UMODL1: variants seen among roughly 807,000 people sequenced by gnomAD.
UMODL1 encodes uromodulin like 1.
UMODL1 carries 128 observed loss-of-function variants against 136.3 expected under a neutral mutation model. The ratio of observed to expected loss-of-function variants is 0.94; its 90% CI spans 0.81 to 1.09. The LOEUF (loss-of-function observed/expected upper bound fraction) is 1.09, where lower values mean the gene tolerates loss of function less well. Among genes scored for constraint, UMODL1 ranks in the 50% least tolerant of loss-of-function variants. The pLI is 0.00. For missense variants in UMODL1, 1,766 were observed against 1,725.6 expected (o/e 1.02, Z -0.41); for synonymous variants, 721 against 720.0 (o/e 1.00, Z -0.02).
intron 6 of UMODL1, among the ~76,000 whole-genome samples, chr21:42,095,346 T>C (rs1345042258): frequency 6.6e-6 from 1 of 152,130 alleles, no homozygotes; most frequent in Non-Finnish European, 1.5e-5. Flanking sequence ...CCGCCCACTT[T>C]GGCCTCCCAA....
intron 17 of UMODL1, among the ~76,000 whole-genome samples, chr21:42,124,909 T>A (rs577403164): frequency 6.6e-6 from 1 of 152,264 alleles, no homozygotes; most frequent in African/African-American, 2.4e-5. Context: ...GGCATCATCA[T>A]CCACGCTCTG....
rs1411475746 is a variant in UMODL1 at position 42,123,392 on chromosome 21, C to T, written c.3147+242C>T. Among the ~76,000 whole-genome samples, 2 of 152,154 alleles carry T rather than the reference C, an allele frequency of 1.3e-5. No homozygotes were observed. Among genetic ancestry groups the T allele is most frequent in the South Asian group, 4.1e-4 (2 of 4,832 alleles). Reference sequence around the variant, plus strand: ...AGTGCTGGGGCAGGCTTCAGAGTCACGGCTTAAAACTCCTCCCTGCACAGA... The same window carrying T: ...AGTGCTGGGGCAGGCTTCAGAGTCATGGCTTAAAACTCCTCCCTGCACAGA... On this transcript the variant is annotated intron_variant, in intron 17 of 22. Coordinates refer to ENST00000408910, the MANE Select transcript of UMODL1 (RefSeq NM_001004416.3). The surrounding 1 kb of genome is among the most constrained non-coding windows in gnomAD (Gnocchi z 4.4).
At chr21:42,107,132 G>A (rs557353310) in intron 9 of UMODL1, among the ~76,000 whole-genome samples, 2 of 152,212 alleles carry the variant, frequency 1.3e-5, no homozygotes, top group East Asian at 3.9e-4. Flanking sequence ...GCTCCTAACA[G>A]CACGGCCCCT....
chr21:42,111,346 C>G (rs1384433445), intron 11 of UMODL1, 160 bp from the exon 12 acceptor site: 2 of 1,608,884 alleles, frequency 1.2e-6, no homozygotes, highest in Non-Finnish European at 1.7e-6. Flanking sequence ...AGGGGAGCCC[C>G]AGCCAGGAGA....
At chr21:42,119,869 T>A (rs982986876) in intron 15 of UMODL1, among the ~76,000 whole-genome samples, 5 of 152,336 alleles carry the variant, frequency 3.3e-5, no homozygotes, top group African/African-American at 1.2e-4. Context: ...GAAAATACGA[T>A]TTTTAGAGGA....
At chr21:42,071,906 G>A (rs1039362596) in intron 1 of UMODL1, among the ~76,000 whole-genome samples, 3 of 141,122 alleles carry the variant, frequency 2.1e-5, no homozygotes, top group Non-Finnish European at 3.2e-5. Flanking sequence ...AAATTAGCCA[G>A]CCATGGTGGT....
Position 42,115,645 on chromosome 21 carries a change from C to T in UMODL1, c.2363-228C>T, listed in dbSNP as rs144684474. ...AGACAGTTGCAGGGGCGAGCTGGCTCTGTGGCCTCTGGAAGGTTCTCCCAC... is the reference window on the plus strand; with the variant it reads ...AGACAGTTGCAGGGGCGAGCTGGCTTTGTGGCCTCTGGAAGGTTCTCCCAC... On this transcript the variant is annotated intron_variant, in intron 13 of 22. Transcript: ENST00000408910. Among the ~76,000 whole-genome samples the T allele has an allele frequency of 4.9e-3, 752 of 152,300 alleles. 8 individuals are homozygous for T. Among genetic ancestry groups the T allele is most frequent in the African/African-American group, 0.017 (710 of 41,566 alleles).
Position 42,123,018 on chromosome 21 carries a change from C to T in UMODL1, c.3015C>T (p.Arg1005=). 1 of 1,614,128 alleles carries T rather than the reference C, an allele frequency of 6.2e-7. No individual in the cohort carries two copies. The highest frequency in any genetic ancestry group is 1.6e-4 in the Middle Eastern group (1 of 6,062). The change falls in exon 17 of 23, where the codon CGC becomes CGT. Residue 1005 remains arginine, a synonymous_variant. Transcript: ENST00000408910. This position sits in a 1 kb window ranked among gnomAD's most constrained non-coding sequence, Gnocchi z 4.4. ...IEKVVVAIQK[R]FLQQESIPES... ...AGGTGGTTGTCGCCATCCAGAAGCG[C>T]TTCCTGCAGCAGGAATCCATCCCCG...
chr21:42,094,344 A>T (rs1037856023), intron 6 of UMODL1, among the ~76,000 whole-genome samples: 2 of 152,218 alleles, frequency 1.3e-5, no homozygotes, highest in African/African-American at 4.8e-5. Flanking sequence ...GAGATGAGTC[A>T]CGGCTGCCCG....
chr21:42,109,689 G>C lies in UMODL1; in HGVS notation c.1647G>C (p.Arg549=). The part of the protein sequence containing the change: ...TRDATPSRAG[R]ACEGDLVSPM... ...ACGCCACCCCCTCCCGCGCAGGCCG[G>C]GCCTGTGAGGGTACGTGTCGACCCC... Residue 549 remains arginine, a synonymous_variant, in exon 10 of 23, where the codon CGG becomes CGC. Transcript: ENST00000408910. The C allele has an allele frequency of 6.2e-7, 1 of 1,603,042 alleles. No homozygotes were observed. The highest frequency in any genetic ancestry group is 1.1e-5 in the South Asian group (1 of 91,056).
At chr21:42,087,599 G>A (rs1374265304) in intron 4 of UMODL1, among the ~76,000 whole-genome samples, 2 of 152,232 alleles carry the variant, frequency 1.3e-5, no homozygotes, top group African/African-American at 4.8e-5. Context: ...CGTGGCTTTT[G>A]ATCTCTAATT....
rs777919731 is a variant in UMODL1 at position 42,121,215 on chromosome 21, C to T, written c.2818C>T (p.Pro940Ser). The change falls in exon 16 of 23, where the codon CCC (proline) becomes TCC (serine). Residue 940 changes from proline to serine, a missense_variant. Coordinates refer to ENST00000408910, the MANE Select transcript of UMODL1 (RefSeq NM_001004416.3). ...CTTCCCTGTGGAATATTCTGAGAGA[C>T]CCTGTGAAGGTAATGTCGTCAGAGT... ...PDFPVEYSER[P>S]CEGDSPGNET... The T allele has an allele frequency of 1.7e-5, 28 of 1,611,626 alleles. No homozygotes were observed. In the South Asian group the frequency reaches 3.1e-4, roughly 18 times the overall value.
chr21:42,076,472 C>G (rs2066293064), intron 2 of UMODL1, among the ~76,000 whole-genome samples: 1 of 152,188 alleles, frequency 6.6e-6, no homozygotes, highest in African/African-American at 2.4e-5. Flanking sequence ...GCCCTCCTGA[C>G]AAGTTCCTGG....
rs908043106 is a variant in UMODL1, at chr21:42,123,759, G to C, written c.3147+609G>C. Among the ~76,000 whole-genome samples the C allele has an allele frequency of 6.6e-6, 1 of 152,154 alleles. No homozygotes were observed. The highest frequency in any genetic ancestry group is 1.5e-5 in the Non-Finnish European group (1 of 68,030). The stretch of plus-strand genomic sequence containing the variant: ...ATGTGTGCATGTGTGCGTGAGTTGA[G>C]CATGTGTGGATGCGTTTGTCCATGT... On this transcript the variant is annotated intron_variant, in intron 17 of 22. Transcript: ENST00000408910. This position sits in a 1 kb window ranked among gnomAD's most constrained non-coding sequence, Gnocchi z 4.4.
Position 42,076,054 on chromosome 21 carries a change from C to G in UMODL1, c.126C>G (p.Thr42=). 6.2e-7 allele frequency: 1 copy of G among 1,614,242 alleles called. No individual in the cohort carries two copies. The highest frequency in any genetic ancestry group is 8.5e-7 in the Non-Finnish European group (1 of 1,180,040). ...LGYQLCSHRV[T]HTVQKVEAVQ... ...ACCAGCTATGCAGCCACCGTGTGAC[C>G]CACACTGTACAGAAGGTGGAGGCCG... The change falls in exon 2 of 23, where the codon ACC becomes ACG. Residue 42 remains threonine (T), a synonymous_variant. Transcript: ENST00000408910.
At position 42,123,168 on chromosome 21, in the gene UMODL1, A is replaced by G; in HGVS notation, c.3147+18A>G. The G allele has an allele frequency of 6.3e-7, 1 of 1,598,704 alleles. No individual in the cohort carries two copies. The highest frequency in any genetic ancestry group is 8.5e-7 in the Non-Finnish European group (1 of 1,170,086). ...TGCAGAGCGTAAGACCAGGAGAGCC[A>G]GGCTCAGGATGTACACTAGGGCGCA... On this transcript the variant is annotated intron_variant, in intron 17 of 22. Coordinates refer to ENST00000408910, the MANE Select transcript of UMODL1 (RefSeq NM_001004416.3). The surrounding 1 kb of genome is among the most constrained non-coding windows in gnomAD (Gnocchi z 4.4).
At chr21:42,075,148 T>G (rs2066274001) in intron 1 of UMODL1, among the ~76,000 whole-genome samples, 1 of 152,164 alleles carries the variant, frequency 6.6e-6, no homozygotes, top group African/African-American at 2.4e-5. Context: ...TCCGCCCACC[T>G]TGGCCTCCCA....
chr21:42,077,222 A>G (rs2066305417), intron 2 of UMODL1, among the ~76,000 whole-genome samples: 1 of 152,076 alleles, frequency 6.6e-6, no homozygotes, highest in Non-Finnish European at 1.5e-5. Context: ...TGTGACCTCC[A>G]GAGTGCAGAA....
At chr21:42,069,569 T>C (rs1450185947), upstream of UMODL1, among the ~76,000 whole-genome samples, 2 of 152,170 alleles carry the variant, frequency 1.3e-5, no homozygotes, top group Non-Finnish European at 2.9e-5. Flanking sequence ...AATCTCTTGT[T>C]TACTGGCTGT....
Sources: gnomAD v4.1 joint callset for allele counts (sites outside exome capture counted in the v4.1 genomes callset) on GRCh38, gnomAD v4.1.1 for gene constraint, Gnocchi (gnomAD v3.1) non-coding constraint, MANE v1.5 for transcripts, NCBI Gene and HGNC (gene_info 2026-07-23, HGNC 2026-07-21) for gene names.